SMYD3: variants seen among roughly 807,000 people sequenced by gnomAD.
SMYD3 encodes SET and MYND domain containing 3, also known as histone-lysine N-methyltransferase SMYD3.
A neutral mutation model predicts 57.7 loss-of-function variants in SMYD3; 36 were observed. The observed-to-expected ratio is 0.62, with a 90% CI of 0.48 to 0.82. The LOEUF is 0.82. Ranked by LOEUF, SMYD3 falls within the 40% of genes least tolerant of loss-of-function variation. SMYD3 has a pLI of 0.00. For synonymous variants in SMYD3, 211 were observed against 195.0 expected, an observed-to-expected ratio of 1.08 and a Z score of -0.68; for missense variants, 515 against 538.8, an observed-to-expected ratio of 0.96 and a Z score of 0.44.
chr1:246,208,617 C>T (rs560105015), intron 5 of SMYD3, among the ~76,000 whole-genome samples: 14 of 152,184 alleles, frequency 9.2e-5, no homozygotes, highest in African/African-American at 3.1e-4. Flanking sequence ...ATGTTTGTAC[C>T]AAGGGAAAAA....
intron 1 of SMYD3, among the ~76,000 whole-genome samples, chr1:246,422,259 C>A (rs555936912): frequency 6.6e-6 from 1 of 151,896 alleles, no homozygotes; most frequent in Non-Finnish European, 1.5e-5. Context: ...AAGGAAGAGG[C>A]CTTGTTAGGA....
intron 5 of SMYD3, among the ~76,000 whole-genome samples, chr1:245,996,939 A>G (rs1213394307): frequency 6.6e-6 from 1 of 152,212 alleles, no homozygotes; most frequent in African/African-American, 2.4e-5. Context: ...CCAGAACATG[A>G]CCTGCATCTC....
intron 5 of SMYD3, among the ~76,000 whole-genome samples, chr1:246,096,758 A>G (rs1017685921): frequency 6.8e-6 from 1 of 147,170 alleles, no homozygotes; most frequent in African/African-American, 2.7e-5. Context: ...TATGATTGTA[A>G]CAAATGTTTA....
intron 1 of SMYD3, among the ~76,000 whole-genome samples, chr1:246,370,401 T>C (rs1393691417): frequency 6.6e-6 from 1 of 152,156 alleles, no homozygotes; most frequent in Non-Finnish European, 1.5e-5. Context: ...AAAGAGTGAG[T>C]GGCAGAGAAT....
At chr1:246,307,376 C>T (rs1355074909) in intron 5 of SMYD3, among the ~76,000 whole-genome samples, 1 of 151,594 alleles carries the variant, frequency 6.6e-6, no homozygotes, top group East Asian at 1.9e-4. Context: ...GCCACGTTTC[C>T]CATTTGAAGA....
intron 1 of SMYD3, among the ~76,000 whole-genome samples, chr1:246,455,481 C>CTA (rs2067689282): frequency 6.6e-6 from 1 of 152,144 alleles, no homozygotes; most frequent in Non-Finnish European, 1.5e-5. Context: ...TTTCATTGAG[C>CTA]TATTACCAAA....
At chr1:245,848,658 C>T (rs2050793587) in intron 10 of SMYD3, among the ~76,000 whole-genome samples, 1 of 152,104 alleles carries the variant, frequency 6.6e-6, no homozygotes, top group Admixed American at 6.5e-5. Context: ...GTTATCTTCC[C>T]ACCTTAGCCT....
chr1:246,355,522 G>A lies in SMYD3; in HGVS notation c.165-428C>T, dbSNP rs2065898355. Among the ~76,000 whole-genome samples the A allele has an allele frequency of 6.6e-6, 1 of 152,176 alleles. No homozygotes were observed. Among genetic ancestry groups the A allele is most frequent in the Non-Finnish European group, 1.5e-5 (1 of 68,032 alleles). ...AAGATGTGAGCTGCCTGCTTGCTCA[G>A]CAGGGAGGCTGGCGGTCTGGGGCAA... is the stretch of plus-strand genomic sequence containing the variant. On this transcript the variant is annotated intron_variant, in intron 1 of 11. Coordinates refer to ENST00000490107, the MANE Select transcript of SMYD3 (RefSeq NM_001167740.2). This position sits in a 1 kb window ranked among gnomAD's most constrained non-coding sequence, Gnocchi z 5.0.
chr1:246,034,043 G>A (rs946269513), intron 5 of SMYD3, among the ~76,000 whole-genome samples: 1 of 152,038 alleles, frequency 6.6e-6, no homozygotes, highest in Non-Finnish European at 1.5e-5. Context: ...ATAGAATTGA[G>A]CAATAATTTA....
chr1:246,180,227 TAC>T (rs2062514717), intron 5 of SMYD3, among the ~76,000 whole-genome samples: 2 of 147,344 alleles, frequency 1.4e-5, no homozygotes, highest in African/African-American at 4.9e-5. Flanking sequence ...AAAATATATA[TAC>T]ATATATGTAT....
chr1:246,379,433 T>C (rs2066351972), intron 1 of SMYD3, among the ~76,000 whole-genome samples: 1 of 152,166 alleles, frequency 6.6e-6, no homozygotes, highest in Admixed American at 6.5e-5. Flanking sequence ...AATACTAATA[T>C]ATTAAACAGC....
chr1:246,105,054 A>T (rs1573030260), intron 5 of SMYD3, among the ~76,000 whole-genome samples: 1 of 152,176 alleles, frequency 6.6e-6, no homozygotes, highest in East Asian at 1.9e-4. Flanking sequence ...ATTAAGAGGC[A>T]AAATCACAGG....
Position 245,899,960 on chromosome 1 carries a change from C to T in SMYD3, c.813+15570G>A, listed in dbSNP as rs116697028. Among the ~76,000 whole-genome samples the T allele has an allele frequency of 3.3e-3, 497 of 152,284 alleles. 2 individuals carry two copies. Among genetic ancestry groups the T allele is most frequent in the African/African-American group, 0.012 (489 of 41,558 alleles). On this transcript the variant is annotated intron_variant, in intron 8 of 11. Transcript: ENST00000490107. The stretch of plus-strand genomic sequence containing the variant: ...CTGGCTCTCCTGGTTCTCAGGGCTT[C>T]AGACTTGTCCTGAAACTATACCATG...
chr1:245,754,194 T>C (rs1011347795), intron 11 of SMYD3, among the ~76,000 whole-genome samples: 1 of 152,194 alleles, frequency 6.6e-6, no homozygotes, highest in Non-Finnish European at 1.5e-5. Flanking sequence ...ATTGTGGTCA[T>C]ATATTAAATA....
chr1:245,835,886 C>G (rs1273484891), intron 10 of SMYD3, among the ~76,000 whole-genome samples: 5 of 152,160 alleles, frequency 3.3e-5, no homozygotes, highest in African/African-American at 4.8e-5. Flanking sequence ...TGTTCTCCGT[C>G]GACGTGACTT....
At chr1:245,823,023 C>T (rs1433836421) in intron 10 of SMYD3, among the ~76,000 whole-genome samples, 1 of 152,160 alleles carries the variant, frequency 6.6e-6, no homozygotes, top group Non-Finnish European at 1.5e-5. Flanking sequence ...GATTTTCAGT[C>T]TCTGCCTCCC....
At chr1:245,920,268 A>C (rs148134646) in intron 7 of SMYD3, among the ~76,000 whole-genome samples, 9,947 of 148,984 alleles carry the variant, frequency 0.067, 652 homozygotes, top group African/African-American at 0.17. Flanking sequence ...AGACGAGATC[A>C]TGCCACTGCA....
intron 11 of SMYD3, among the ~76,000 whole-genome samples, chr1:245,761,786 C>CTT (rs534305833): frequency 0.019 from 2,158 of 115,680 alleles, 93 homozygotes; most frequent in African/African-American, 0.044. Context: ...CATATTGAGT[C>CTT]TTTTTTTTTT....
At chr1:245,921,603 A>G (rs2055966101) in intron 7 of SMYD3, among the ~76,000 whole-genome samples, 1 of 150,304 alleles carries the variant, frequency 6.7e-6, no homozygotes, top group South Asian at 2.1e-4. Context: ...CAGCCATAAA[A>G]AAGAATGACA....
Sources: allele counts gnomAD v4.1 joint callset (sites outside exome capture counted in the v4.1 genomes callset), GRCh38; gene constraint gnomAD v4.1.1; non-coding constraint Gnocchi (gnomAD v3.1); transcripts MANE v1.5; gene names NCBI Gene and HGNC (gene_info 2026-07-23, HGNC 2026-07-21).